Variants in TYW1B observed in about 807,000 individuals in gnomAD.
The protein encoded by TYW1B is S-adenosyl-L-methionine-dependent tRNA 4-demethylwyosine synthase TYW1B.
A neutral mutation model predicts 86.9 loss-of-function variants in TYW1B; 73 were observed. That is an observed-to-expected ratio of 0.84 (90% CI 0.70 to 1.02). The LOEUF (loss-of-function observed/expected upper bound fraction) is 1.02, where lower values mean the gene tolerates loss of function less well. Among genes scored for constraint, TYW1B ranks in the 50% least tolerant of loss-of-function variants. The pLI, the probability that TYW1B is intolerant of heterozygous loss-of-function variation, is 0.00. For synonymous variants in TYW1B, 248 were observed against 292.8 expected (o/e 0.85, Z 1.56); for missense variants, 637 against 827.4 (o/e 0.77, Z 2.82).
In TYW1B at chr7:72,575,578, C is replaced by G. The variant is rs1585818413; in HGVS notation, c.1927G>C (p.Gly643Arg). Residue 643 changes from glycine to arginine, a missense_variant, in exon 14 of 14, where the codon GGT (glycine) becomes CGT (arginine). By Grantham distance (125) the Gly-to-Arg change is moderately radical. Transcript: ENST00000620995. ...MARTPHWALF[G>R]ANERSFDPKD... is the part of the protein sequence containing the mutation. The stretch of plus-strand genomic sequence containing the variant: ...GGATCAAAGCTTCTTTCATTGGCAC[C>G]AAATAATGCCCAGTGAGGAGTTCTG... The G allele has an allele frequency of 4.3e-6, 7 of 1,613,836 alleles. No individual in the cohort carries two copies. Among genetic ancestry groups the G allele is most frequent in the Non-Finnish European group, 5.9e-6 (7 of 1,179,842 alleles).
At chr7:72,715,671 T>C (rs1554455770) in intron 9 of TYW1B, among the ~76,000 whole-genome samples, 1 of 151,712 alleles carries the variant, frequency 6.6e-6, no homozygotes, top group East Asian at 1.9e-4. Context: ...TGAAATAATC[T>C]GTACAACAAA....
intron 6 of TYW1B, among the ~76,000 whole-genome samples, chr7:72,781,677 T>C (rs1312331578): frequency 2.0e-5 from 3 of 152,132 alleles, no homozygotes; most frequent in African/African-American, 4.8e-5. Context: ...TTGTCCACGG[T>C]CTTGCTTTCT....
intron 11 of TYW1B, among the ~76,000 whole-genome samples, chr7:72,679,452 C>T (rs1334848871): frequency 1.3e-5 from 2 of 152,124 alleles, no homozygotes; most frequent in African/African-American, 4.8e-5. Context: ...GTTACAAAGT[C>T]TCAAAGGCTA....
chr7:72,587,500 G>A (rs1554430693), intron 13 of TYW1B, among the ~76,000 whole-genome samples: 2 of 152,122 alleles, frequency 1.3e-5, no homozygotes, highest in African/African-American at 2.4e-5. Flanking sequence ...TGACATCATT[G>A]GGAACTGAAG....
chr7:72,793,483 A>G (rs1245605700), intron 6 of TYW1B, among the ~76,000 whole-genome samples: 1 of 151,888 alleles, frequency 6.6e-6, no homozygotes, highest in Non-Finnish European at 1.5e-5. Context: ...ACGGTGGCTC[A>G]CGCCTGTAAT....
At chr7:72,732,352 A>G (rs1787128503) in intron 8 of TYW1B, among the ~76,000 whole-genome samples, 1 of 152,224 alleles carries the variant, frequency 6.6e-6, no homozygotes, top group South Asian at 2.1e-4. Context: ...CATACATAAA[A>G]TATTCTCCAG....
intron 11 of TYW1B, among the ~76,000 whole-genome samples, chr7:72,676,001 A>G (rs1554447344): frequency 6.6e-6 from 1 of 152,164 alleles, no homozygotes. Context: ...TAAGAGAAGG[A>G]AAAATGATAA....
At position 72,789,874 on chromosome 7, in the gene TYW1B, C is replaced by T. The variant is rs1437963327; in HGVS notation, c.847-12341G>A. The stretch of plus-strand genomic sequence containing the variant: ...TACAATAAAGAATAAGATGTCTAGC[C>T]TTTGTCCCCAGCTCCTGGAAAATTA... On this transcript the variant is annotated intron_variant, in intron 6 of 13. Coordinates refer to ENST00000620995, the MANE Select transcript of TYW1B (RefSeq NM_001145440.3). Among the ~76,000 whole-genome samples the T allele has an allele frequency of 4.6e-5, 7 of 150,978 alleles. No individual in the cohort carries two copies. In the Admixed American group the frequency reaches 4.6e-4, roughly 10 times the overall value.
intron 3 of TYW1B, among the ~76,000 whole-genome samples, chr7:72,811,283 A>G (rs369147547): frequency 1.9e-5 from 2 of 104,904 alleles, no homozygotes; most frequent in East Asian, 2.2e-4. Context: ...AAAAAAAAAA[A>G]AAAGAAAGAA....
At chr7:72,723,539 G>C (rs1221765063) in intron 9 of TYW1B, among the ~76,000 whole-genome samples, 1 of 152,198 alleles carries the variant, frequency 6.6e-6, no homozygotes, top group Non-Finnish European at 1.5e-5. Context: ...GACTGAGGCT[G>C]AAGGATTGCT....
At chr7:72,742,226 C>T (rs1354002800) in intron 8 of TYW1B, among the ~76,000 whole-genome samples, 5 of 152,152 alleles carry the variant, frequency 3.3e-5, no homozygotes, top group Non-Finnish European at 5.9e-5. Context: ...ACCTCCCAGG[C>T]TTATGATCAC....
chr7:72,689,038 G>A (rs1814076528), intron 11 of TYW1B, among the ~76,000 whole-genome samples: 1 of 152,136 alleles, frequency 6.6e-6, no homozygotes, highest in African/African-American at 2.4e-5. Flanking sequence ...TCAGCCCTGG[G>A]GGATCTATGC....
intron 3 of TYW1B, among the ~76,000 whole-genome samples, chr7:72,812,986 A>T (rs12154743): frequency 1.3e-5 from 2 of 151,962 alleles, no homozygotes; most frequent in Non-Finnish European, 2.9e-5. Context: ...GAGCCACCCC[A>T]CCTGGCCTCT....
At chr7:72,745,851 G>GGTGTGTGTGTGTGTGTGTGT (rs1162824267) in intron 7 of TYW1B, among the ~76,000 whole-genome samples, 1 of 75,068 alleles carries the variant, frequency 1.3e-5, no homozygotes, top group African/African-American at 3.2e-5. Flanking sequence ...CGTGTATAGG[G>GGTGTGTGTGTGTGTGTGTGT]GTGTGTGTGT....
rs71517356 is a variant in TYW1B at position 72,703,016 on chromosome 7, A to T, written c.1371-8194T>A. ...TATATATATATATATATATATATATATATATATATATTTTTTTTTTTTTTT... is the reference window on the plus strand; with the variant it reads ...TATATATATATATATATATATATATTTATATATATATTTTTTTTTTTTTTT... On this transcript the variant is annotated intron_variant, in intron 10 of 13. Coordinates refer to ENST00000620995, the MANE Select transcript of TYW1B (RefSeq NM_001145440.3). Among the ~76,000 whole-genome samples, 19 of 17,644 alleles carry T rather than the reference A, an allele frequency of 1.1e-3. 1 individual carries two copies. The highest frequency in any genetic ancestry group is 2.3e-3 in the Admixed American group (3 of 1,280). The allele number at this position is 17,644 out of a possible 152,430, so 11.6% of individuals were successfully genotyped here.
intron 13 of TYW1B, among the ~76,000 whole-genome samples, chr7:72,580,695 T>C (rs140320849): frequency 0.013 from 1,929 of 152,316 alleles, 38 homozygotes; most frequent in African/African-American, 0.043. Flanking sequence ...ATAGGTTCTC[T>C]GTTAGTGTAA....
chr7:72,656,343 GA>G (rs1216524529), intron 11 of TYW1B, among the ~76,000 whole-genome samples: 2 of 152,232 alleles, frequency 1.3e-5, no homozygotes, highest in African/African-American at 4.8e-5. Flanking sequence ...AAAATTGGAA[GA>G]AGGGATCATT....
intron 13 of TYW1B, among the ~76,000 whole-genome samples, chr7:72,604,214 G>A (rs1382197634): frequency 6.6e-6 from 1 of 152,160 alleles, no homozygotes; most frequent in Non-Finnish European, 1.5e-5. Context: ...TGTGATCCCA[G>A]CAATTTGAGA....
At chr7:72,625,946 A>T (rs1244726794) in intron 12 of TYW1B, among the ~76,000 whole-genome samples, 1 of 151,352 alleles carries the variant, frequency 6.6e-6, no homozygotes, top group African/African-American at 2.4e-5. Flanking sequence ...GATCCAGCCA[A>T]GCTGCTTTAT....
Sources: gnomAD v4.1 joint callset for allele counts (sites outside exome capture counted in the v4.1 genomes callset) on GRCh38, gnomAD v4.1.1 for gene constraint, MANE v1.5 for transcripts, NCBI Gene and HGNC (gene_info 2026-07-23, HGNC 2026-07-21) for gene names.